Variants in ZNF391 observed in about 807,000 individuals in gnomAD.
ZNF391 encodes the protein zinc finger protein 391.
For missense variants in ZNF391, 375 were observed against 425.5 expected (o/e 0.88, Z 1.04); for synonymous variants, 126 against 142.1 (o/e 0.89, Z 0.80).
At chr6:27,384,463 CAAAA>C (rs149396774), upstream of ZNF391, among the ~76,000 whole-genome samples, 1 of 121,462 alleles carries the variant, frequency 8.2e-6, no homozygotes, top group Non-Finnish European at 1.6e-5. Flanking sequence ...GACTCTATCT[CAAAA>C]AAAAAAAAAA....
upstream of ZNF391, among the ~76,000 whole-genome samples, chr6:27,387,984 C>T (rs1761611148): frequency 1.3e-5 from 2 of 152,198 alleles, no homozygotes; most frequent in South Asian, 4.1e-4. Context: ...CTTTGTACTT[C>T]ATGGCTCATG....
chr6:27,401,423 T>C lies in ZNF391; in HGVS notation c.1053T>C (p.His351=). ...AFCQSSTLIR[H]QHLHTKE is the part of the protein sequence containing the mutation. ...GTCAGAGTTCAACTCTGATCAGACA[T>C]CAGCACCTTCATACTAAAGAGTAAT... is the stretch of plus-strand genomic sequence containing the variant. Residue 351 remains histidine (H), a synonymous_variant, in exon 3 of 3, where the codon CAT becomes CAC. Transcript: ENST00000244576. 2.5e-6 allele frequency: 4 copies of C among 1,609,240 alleles called. No homozygotes were observed. Among genetic ancestry groups the C allele is most frequent in the Non-Finnish European group, 2.5e-6 (3 of 1,179,302 alleles).
At position 27,399,555 on chromosome 6, in the gene ZNF391, G is replaced by C. The variant is rs564504971; in HGVS notation, c.-79+5G>C. Reference sequence around the variant, plus strand: ...TGCCCAGAAATACCTGTCTTGGTGAGTAGTGTCATAAGAAGACCAGCAATT... The same window carrying C: ...TGCCCAGAAATACCTGTCTTGGTGACTAGTGTCATAAGAAGACCAGCAATT... On this transcript the variant is annotated splice_donor_5th_base_variant and intron_variant, in intron 2 of 2. Transcript: ENST00000244576. 1.3e-5 allele frequency: 2 copies of C among 152,348 alleles called. No individual in the cohort carries two copies. Among genetic ancestry groups the C allele is most frequent in the Non-Finnish European group, 2.9e-5 (2 of 68,030 alleles). The allele number at this position is 152,348 out of a possible 1,614,324, so 9.4% of individuals were successfully genotyped here.
intron 1 of ZNF391, among the ~76,000 whole-genome samples, chr6:27,392,950 G>C (rs1761747053): frequency 6.7e-6 from 1 of 149,196 alleles, no homozygotes. Context: ...ACAATTCTTA[G>C]AATAGGCAGG....
chr6:27,393,535 T>C (rs761246912), intron 1 of ZNF391, among the ~76,000 whole-genome samples: 30 of 152,308 alleles, frequency 2.0e-4, no homozygotes, highest in Admixed American at 6.5e-4. Context: ...AGTATTTCTT[T>C]ATAGCAATGC....
intron 1 of ZNF391, among the ~76,000 whole-genome samples, chr6:27,391,451 A>G (rs1761712370): frequency 1.3e-5 from 2 of 151,676 alleles, no homozygotes; most frequent in Admixed American, 1.3e-4. Context: ...CAGGTGATCC[A>G]CCTGTCTTGG....
rs550342681 is a variant in ZNF391, at chr6:27,403,657, A to C, written c.*2210A>C. The C allele has an allele frequency of 6.6e-6, 1 of 152,328 alleles. No individual in the cohort carries two copies. The highest frequency in any genetic ancestry group is 2.4e-5 in the African/African-American group (1 of 41,560). The allele number at this position is 152,328 out of a possible 1,614,324, so 9.4% of individuals were successfully genotyped here. Reference sequence around the variant, plus strand: ...TACATAGGGTTTAATTTAGCAGCATAATCTTTTTAGTCTTTTGAATGATGA... The same window carrying C: ...TACATAGGGTTTAATTTAGCAGCATCATCTTTTTAGTCTTTTGAATGATGA... On this transcript the variant is annotated 3_prime_UTR_variant, in exon 3 of 3. Transcript: ENST00000244576.
At chr6:27,397,946 T>G (rs2015648) in intron 1 of ZNF391, among the ~76,000 whole-genome samples, 108,352 of 152,082 alleles carry the variant, frequency 0.71, 38,801 homozygotes, top group Middle Eastern at 0.82. Context: ...GGATCTTAAT[T>G]TGAGATTCTA....
At chr6:27,391,605 A>G (rs1761716103) in intron 1 of ZNF391, among the ~76,000 whole-genome samples, 1 of 152,214 alleles carries the variant, frequency 6.6e-6, no homozygotes, top group Non-Finnish European at 1.5e-5. Flanking sequence ...GAGGAGGCAG[A>G]AGATGGAAAG....
intron 1 of ZNF391, among the ~76,000 whole-genome samples, chr6:27,381,222 A>G (rs537257758): frequency 1.6e-3 from 249 of 152,364 alleles, no homozygotes; most frequent in African/African-American, 5.6e-3. Flanking sequence ...GCGGGAAGGC[A>G]GCTAAGGCCC....
At chr6:27,398,813 C>T (rs1192675958) in intron 1 of ZNF391, among the ~76,000 whole-genome samples, 1 of 152,012 alleles carries the variant, frequency 6.6e-6, no homozygotes, top group Admixed American at 6.5e-5. Context: ...GAGCCGAGAT[C>T]GCGCCATTGC....
Position 27,400,786 on chromosome 6 carries a change from G to C in ZNF391, c.416G>C (p.Cys139Ser), listed in dbSNP as rs1190217833. 1 of 1,614,188 alleles carries C rather than the reference G, an allele frequency of 6.2e-7. No individual in the cohort carries two copies. Among genetic ancestry groups the C allele is most frequent in the Non-Finnish European group, 8.5e-7 (1 of 1,180,026 alleles). The change falls in exon 3 of 3, where the codon TGC (cysteine) becomes TCC (serine). Residue 139 changes from cysteine to serine, a missense_variant. Physicochemically the swap from Cys to Ser is moderately radical, Grantham distance 112 (BLOSUM62 -1). Coordinates refer to ENST00000244576, the MANE Select transcript of ZNF391 (RefSeq NM_001076781.3). ...RIHGGEKPFE[C>S]NKCGKSFSRS... ...CATGGTGGAGAAAAGCCTTTTGAAT[G>C]CAACAAATGTGGGAAATCTTTCAGC...
At chr6:27,385,224 G>T (rs1761569342), upstream of ZNF391, among the ~76,000 whole-genome samples, 1 of 73,960 alleles carries the variant, frequency 1.4e-5, no homozygotes. Flanking sequence ...AACAAAAAAA[G>T]TCAGAAAAAG....
chr6:27,377,772 T>A (rs187756536), intron 1 of ZNF391, among the ~76,000 whole-genome samples: 402 of 152,312 alleles, frequency 2.6e-3, no homozygotes, highest in African/African-American at 8.9e-3. Context: ...GAAAAAAATT[T>A]TCTAAATTAA....
chr6:27,388,761 T>G lies in ZNF391; in HGVS notation c.-502T>G, dbSNP rs540280297. On this transcript the variant is annotated 5_prime_UTR_variant, in exon 1 of 3. Coordinates refer to ENST00000244576, the MANE Select transcript of ZNF391 (RefSeq NM_001076781.3). ...CTGCTGATACGTTGCTCAGTCTCAG[T>G]GTGGTCTCTGTTTTGCAACTGGTCG... The G allele has an allele frequency of 5.0e-6, 2 of 397,428 alleles. No individual in the cohort carries two copies. The highest frequency in any genetic ancestry group is 4.3e-5 in the African/African-American group (2 of 47,014). The allele number at this position is 397,428 out of a possible 1,614,324, so 24.6% of individuals were successfully genotyped here. A position where few individuals can be genotyped will look rare whatever the true frequency, so the allele number is the denominator to read the frequency against.
intron 1 of ZNF391, among the ~76,000 whole-genome samples, chr6:27,381,824 G>T (rs190920049): frequency 1.8e-4 from 28 of 152,310 alleles, no homozygotes; most frequent in African/African-American, 6.7e-4. Context: ...CCTGAGGTCA[G>T]AAGTTTGAGA....
intron 1 of ZNF391, among the ~76,000 whole-genome samples, chr6:27,390,085 G>C (rs906830103): frequency 1.3e-5 from 2 of 152,196 alleles, no homozygotes; most frequent in Non-Finnish European, 2.9e-5. Context: ...TTGCTTTGTG[G>C]ATTGGCAAAG....
chr6:27,400,677 T>C lies in ZNF391; in HGVS notation c.307T>C (p.Phe103Leu). The change falls in exon 3 of 3, where the codon TTC becomes CTC. Residue 103 changes from phenylalanine (F) to leucine (L), a missense_variant. Physicochemically the swap from Phe to Leu is conservative, Grantham distance 22 (BLOSUM62 0). Transcript: ENST00000244576. Reference sequence around the variant, plus strand: ...AGACTTAATTAAACACCAAAGACTTTTCTCACAAAGAAAACCTTGTAAATG... The same window carrying C: ...AGACTTAATTAAACACCAAAGACTTCTCTCACAAAGAAAACCTTGTAAATG... ...NSDLIKHQRL[F>L]SQRKPCKCNE... The C allele has an allele frequency of 6.2e-7, 1 of 1,613,918 alleles. No homozygotes were observed. The highest frequency in any genetic ancestry group is 8.5e-7 in the Non-Finnish European group (1 of 1,179,998).
chr6:27,390,747 A>C (rs1332577992), intron 1 of ZNF391, among the ~76,000 whole-genome samples: 1 of 152,226 alleles, frequency 6.6e-6, no homozygotes, highest in African/African-American at 2.4e-5. Context: ...AAATTCATTG[A>C]TGTGAGATGA....
Sources: allele counts gnomAD v4.1 joint callset (sites outside exome capture counted in the v4.1 genomes callset), GRCh38; gene constraint gnomAD v4.1.1; transcripts MANE v1.5; gene names NCBI Gene and HGNC (gene_info 2026-07-23, HGNC 2026-07-21).